Variants in CACNA2D4 observed in about 807,000 individuals in gnomAD.
CACNA2D4 encodes voltage-dependent calcium channel subunit alpha-2/delta-4.
In CACNA2D4, 157 loss-of-function variants were observed where a neutral mutation model predicts 163.8. That is an observed-to-expected ratio of 0.96 (90% CI 0.84 to 1.09). The LOEUF (loss-of-function observed/expected upper bound fraction) is 1.09. CACNA2D4 is among the 50% of genes least tolerant of loss of function. The pLI is 0.00. For synonymous variants in CACNA2D4, 598 were observed against 586.9 expected, an observed-to-expected ratio of 1.02 and a Z score of -0.27; for missense variants, 1,410 against 1,479.9, an observed-to-expected ratio of 0.95 and a Z score of 0.78.
intron 26 of CACNA2D4, among the ~76,000 whole-genome samples, chr12:1,837,069 C>T (rs997554317): frequency 8.5e-5 from 13 of 152,220 alleles, no homozygotes; most frequent in Admixed American, 2.0e-4. Context: ...TGGGCGACAC[C>T]GAGGTTGTGG....
chr12:1,816,384 G>T (rs1473872148), intron 26 of CACNA2D4, among the ~76,000 whole-genome samples: 1 of 152,056 alleles, frequency 6.6e-6, no homozygotes, highest in Non-Finnish European at 1.5e-5. Flanking sequence ...CCTGACCTTC[G>T]TCCCCAGGAG....
At chr12:1,831,485 G>T (rs1009591762) in intron 26 of CACNA2D4, 1 of 1,613,912 alleles carries the variant, frequency 6.2e-7, no homozygotes, top group Non-Finnish European at 8.5e-7. Flanking sequence ...ACTGTAACCT[G>T]CGTGAGTTCA....
Position 1,856,117 on chromosome 12 carries a change from C to T in CACNA2D4, c.2055-8G>A, listed in dbSNP as rs1865394002. 1 of 1,613,724 alleles carries T rather than the reference C, an allele frequency of 6.2e-7. No homozygotes were observed. The highest frequency in any genetic ancestry group is 1.7e-5 in the Admixed American group (1 of 60,002). On this transcript the variant is annotated splice_polypyrimidine_tract_variant and splice_region_variant and intron_variant, in intron 21 of 37. Transcript: ENST00000382722. ...TCTGTGATGCAGTAGATCCTGAAAC[C>T]CAGGAAAGTCAGTGTTATCTCAAAA...
At chr12:1,821,795 G>A (rs1415012699) in intron 26 of CACNA2D4, among the ~76,000 whole-genome samples, 1 of 152,164 alleles carries the variant, frequency 6.6e-6, no homozygotes, top group Non-Finnish European at 1.5e-5. Flanking sequence ...CCTCCCTGCA[G>A]GTCTGGGGCT....
Position 1,844,432 on chromosome 12 carries a change from C to T in CACNA2D4, c.2440G>A (p.Val814Ile), listed in dbSNP as rs370228940. 17 of 1,613,500 alleles carry T rather than the reference C, an allele frequency of 1.1e-5. No individual in the cohort carries two copies. The highest frequency in any genetic ancestry group is 1.6e-4 in the Middle Eastern group (1 of 6,080). ...QASEHPAGSF[V>I]FNLRWAEGPE... ...CCTTCTGCCCAGCGGAGGTTGAAGA[C>T]GAAGCTGCCAGCAGGATGCTCTGAG... Residue 814 changes from valine (V) to isoleucine (I), a missense_variant, in exon 25 of 38, where the codon GTC becomes ATC. By Grantham distance (29) the Val-to-Ile change is conservative. Coordinates refer to ENST00000382722, the MANE Select transcript of CACNA2D4 (RefSeq NM_172364.5). The surrounding 1 kb of genome is among the most constrained non-coding windows in gnomAD (Gnocchi z 4.2).
intron 23 of CACNA2D4, among the ~76,000 whole-genome samples, chr12:1,853,620 G>C (rs1865336673): frequency 6.6e-6 from 1 of 152,134 alleles, no homozygotes; most frequent in Non-Finnish European, 1.5e-5. Flanking sequence ...AAGGGAGCGA[G>C]GATTTCTAAG....
At position 1,831,122 on chromosome 12, in the gene CACNA2D4, C is replaced by T. The variant is rs775962971; in HGVS notation, c.2551+9617G>A. 5.6e-6 allele frequency: 9 copies of T among 1,613,900 alleles called. No individual in the cohort carries two copies. In the East Asian group the frequency reaches 1.8e-4, roughly 32 times the overall value. Reference sequence around the variant, plus strand: ...ACAATAAGCTGAGTGCCCTGCCAAGCTGGGCTTTCGCCAACCTCTCCAGCC... The same window carrying T: ...ACAATAAGCTGAGTGCCCTGCCAAGTTGGGCTTTCGCCAACCTCTCCAGCC... On this transcript the variant is annotated intron_variant, in intron 26 of 37. Coordinates refer to ENST00000382722, the MANE Select transcript of CACNA2D4 (RefSeq NM_172364.5).
chr12:1,882,539 TGGGA>T (rs2154449600), intron 13 of CACNA2D4, among the ~76,000 whole-genome samples: 1 of 4,284 alleles, frequency 2.3e-4, no homozygotes, highest in South Asian at 9.1e-3. Context: ...CCCGGGTGGG[TGGGA>T]GGGAGGGATG....
At chr12:1,818,685 G>A (rs1202282970) in intron 26 of CACNA2D4, among the ~76,000 whole-genome samples, 2 of 149,116 alleles carry the variant, frequency 1.3e-5, no homozygotes, top group South Asian at 2.1e-4. Flanking sequence ...TTGTTCACTT[G>A]TTTATCTGCT....
intron 23 of CACNA2D4, among the ~76,000 whole-genome samples, chr12:1,852,866 C>T (rs1283147987): frequency 1.3e-5 from 2 of 152,192 alleles, no homozygotes; most frequent in South Asian, 4.1e-4. Flanking sequence ...TGACCTCAGG[C>T]GAGTTGCTTG....
intron 26 of CACNA2D4, among the ~76,000 whole-genome samples, chr12:1,837,987 C>T (rs952892944): frequency 1.3e-5 from 2 of 152,208 alleles, no homozygotes; most frequent in African/African-American, 2.4e-5. Context: ...GGCCTCTGTG[C>T]AGGGGCTTGT....
Position 1,878,369 on chromosome 12 carries a change from G to A in CACNA2D4, c.1665C>T (p.Ala555=). ...PRYKLGVHGY[A]FLNTNNGYIL... Reference sequence around the variant, plus strand: ...TGTAGCCATTGTTGGTGTTCAGAAAGGCGTATCCGTGCACTCCAAGCTGCC... The same window carrying A: ...TGTAGCCATTGTTGGTGTTCAGAAAAGCGTATCCGTGCACTCCAAGCTGCC... Residue 555 remains alanine (A), a synonymous_variant, in exon 16 of 38, where the codon GCC becomes GCT. Transcript: ENST00000382722. This position sits in a 1 kb window ranked among gnomAD's most constrained non-coding sequence, Gnocchi z 4.6. The A allele has an allele frequency of 6.2e-7, 1 of 1,607,186 alleles. No individual in the cohort carries two copies. The highest frequency in any genetic ancestry group is 8.5e-7 in the Non-Finnish European group (1 of 1,177,020).
At chr12:1,845,375 G>A (rs559476628) in intron 24 of CACNA2D4, among the ~76,000 whole-genome samples, 3 of 142,256 alleles carry the variant, frequency 2.1e-5, no homozygotes, top group African/African-American at 5.1e-5. Flanking sequence ...CTCCACCTCC[G>A]CAGGGATGGG....
rs995211986 is a variant in CACNA2D4 at position 1,874,136 on chromosome 12, A to G, written c.1878+468T>C. On this transcript the variant is annotated intron_variant, in intron 18 of 37. Coordinates refer to ENST00000382722, the MANE Select transcript of CACNA2D4 (RefSeq NM_172364.5). This position sits in a 1 kb window ranked among gnomAD's most constrained non-coding sequence, Gnocchi z 4.4. ...ACATGGTTGTAAAGATAGTAATGGG[A>G]TTAGTGAGGGCATTGATTCCTAACT... Among the ~76,000 whole-genome samples the G allele has an allele frequency of 6.6e-6, 1 of 152,206 alleles. No individual in the cohort carries two copies. Among genetic ancestry groups the G allele is most frequent in the East Asian group, 1.9e-4 (1 of 5,194 alleles).
chr12:1,841,096 C>T (rs776341461), intron 25 of CACNA2D4, among the ~76,000 whole-genome samples: 14 of 152,296 alleles, frequency 9.2e-5, no homozygotes, highest in East Asian at 1.9e-4. Flanking sequence ...GCGTGTTTGT[C>T]GGCTGCGGCA....
intron 18 of CACNA2D4, among the ~76,000 whole-genome samples, chr12:1,861,844 T>C (rs889298542): frequency 6.6e-6 from 1 of 152,158 alleles, no homozygotes; most frequent in Non-Finnish European, 1.5e-5. Context: ...TACCAACCTG[T>C]CAAGGTACAG....
chr12:1,841,780 C>T (rs559718357), intron 25 of CACNA2D4, among the ~76,000 whole-genome samples: 2 of 152,330 alleles, frequency 1.3e-5, no homozygotes, highest in East Asian at 1.9e-4. Context: ...TCAATTGTCC[C>T]GGGACTTAAC....
intron 37 of CACNA2D4, among the ~76,000 whole-genome samples, chr12:1,794,683 G>C (rs1231918793): frequency 6.6e-6 from 1 of 152,218 alleles, no homozygotes; most frequent in Admixed American, 6.5e-5. Context: ...GAAGAGACAC[G>C]TAGGCCAAGG....
Position 1,834,819 on chromosome 12 carries a change from C to T in CACNA2D4, c.2551+5920G>A. 1 of 1,445,172 alleles carries T rather than the reference C, an allele frequency of 6.9e-7. No homozygotes were observed. Among genetic ancestry groups the T allele is most frequent in the Non-Finnish European group, 9.1e-7 (1 of 1,102,748 alleles). The allele number at this position is 1,445,172 out of a possible 1,614,324, so 89.5% of individuals were successfully genotyped here. On this transcript the variant is annotated intron_variant, in intron 26 of 37. Coordinates refer to ENST00000382722, the MANE Select transcript of CACNA2D4 (RefSeq NM_172364.5). This position sits in a 1 kb window ranked among gnomAD's most constrained non-coding sequence, Gnocchi z 7.6. Reference sequence around the variant, plus strand: ...TTGACCCGGCGCTGGCCACTGCCTCCCCGAGTCCACCCTCCTCCCCGCCCT... The same window carrying T: ...TTGACCCGGCGCTGGCCACTGCCTCTCCGAGTCCACCCTCCTCCCCGCCCT...
Sources: allele counts gnomAD v4.1 joint callset (sites outside exome capture counted in the v4.1 genomes callset), GRCh38; gene constraint gnomAD v4.1.1; non-coding constraint Gnocchi (gnomAD v3.1); transcripts MANE v1.5; gene names NCBI Gene and HGNC (gene_info 2026-07-23, HGNC 2026-07-21).